Variants in SUGCT observed in about 807,000 individuals in gnomAD.
SUGCT encodes succinyl-CoA:glutarate-CoA transferase, also known as succinyl-CoA:glutarate CoA-transferase.
Under a neutral mutation model 55.0 loss-of-function variants are expected in SUGCT, and 41 were observed. That is an observed-to-expected ratio of 0.74 (90% CI 0.58 to 0.97). The LOEUF is 0.97. Among genes scored for constraint, SUGCT ranks in the 50% least tolerant of loss-of-function variants. The probability of loss-of-function intolerance (pLI) is 0.00; values close to 1 mark genes in which losing one functional copy is unlikely to be tolerated. For synonymous variants in SUGCT, 187 were observed against 200.4 expected (o/e 0.93, Z 0.56); for missense variants, 568 against 547.8 (o/e 1.04, Z -0.37).
chr7:40,977,376 T>C, the SUGCT span, among the ~76,000 whole-genome samples: 1 of 152,238 alleles, frequency 6.6e-6, no homozygotes, highest in East Asian at 1.9e-4. Flanking sequence ...GGCAATGTCA[T>C]TTTCCATTTC....
At chr7:40,478,681 A>G (rs1042984560) in intron 11 of SUGCT, among the ~76,000 whole-genome samples, 7 of 152,142 alleles carry the variant, frequency 4.6e-5, no homozygotes, top group African/African-American at 1.7e-4. Context: ...TTGTGTGTGT[A>G]GTTAACTGAA....
At chr7:40,523,256 A>T (rs1793643629) in intron 12 of SUGCT, among the ~76,000 whole-genome samples, 1 of 152,110 alleles carries the variant, frequency 6.6e-6, no homozygotes, top group African/African-American at 2.4e-5. Flanking sequence ...TTTATCTAAC[A>T]TGCAGGCATT....
intron 13 of SUGCT, among the ~76,000 whole-genome samples, chr7:40,803,888 G>T (rs1051931550): frequency 6.6e-6 from 1 of 152,144 alleles, no homozygotes; most frequent in Non-Finnish European, 1.5e-5. Context: ...CAGTGGGAAG[G>T]ACAGTGTGTT....
the SUGCT span, among the ~76,000 whole-genome samples, chr7:41,026,353 G>A: frequency 6.6e-6 from 1 of 152,130 alleles, no homozygotes; most frequent in African/African-American, 2.4e-5. Flanking sequence ...CAACTTGCTT[G>A]ACTCCTGCAG....
chr7:40,473,656 C>T (rs561402464), intron 11 of SUGCT, among the ~76,000 whole-genome samples: 19 of 152,222 alleles, frequency 1.2e-4, no homozygotes, highest in African/African-American at 4.3e-4. Flanking sequence ...AAAATGGTGG[C>T]ATGATTTAAC....
At chr7:40,803,171 G>C (rs1236011561) in intron 13 of SUGCT, among the ~76,000 whole-genome samples, 1 of 152,002 alleles carries the variant, frequency 6.6e-6, no homozygotes, top group African/African-American at 2.4e-5. Flanking sequence ...TTGCTCATGG[G>C]CAAGATAAAA....
the SUGCT span, among the ~76,000 whole-genome samples, chr7:40,984,267 A>C: frequency 6.6e-6 from 1 of 152,184 alleles, no homozygotes; most frequent in African/African-American, 2.4e-5. Context: ...CACTGCAATA[A>C]TAATAATATC....
chr7:40,371,482 ACAT>A (rs1784292396), intron 9 of SUGCT, among the ~76,000 whole-genome samples: 1 of 152,188 alleles, frequency 6.6e-6, no homozygotes, highest in South Asian at 2.1e-4. Context: ...TTAAGGCAAC[ACAT>A]GCTTTTTTGT....
rs780136828 is a variant in SUGCT, at chr7:40,182,007, G to A, written c.205G>A (p.Val69Ile). The A allele has an allele frequency of 3.7e-6, 6 of 1,600,174 alleles. No homozygotes were observed. Reference protein sequence around the residue: ...TMNLGDLGAEVIKVERPGAGD... With the variant: ...TMNLGDLGAEIIKVERPGAGD... ...GAATTTAGGAGATCTTGGAGCAGAA[G>A]TTATAAAAGTGGAGAGACCAGGTAA... is the stretch of plus-strand genomic sequence containing the variant. Residue 69 changes from valine to isoleucine, a missense_variant, in exon 3 of 14, where the codon GTT becomes ATT. Coordinates refer to ENST00000335693, the MANE Select transcript of SUGCT (RefSeq NM_001193313.2).
the SUGCT span, among the ~76,000 whole-genome samples, chr7:40,954,308 A>G: frequency 6.6e-6 from 1 of 152,136 alleles, no homozygotes; most frequent in South Asian, 2.1e-4. Context: ...GAAAAGCACC[A>G]TATTAGGGTG....
At chr7:40,965,826 A>C in the SUGCT span, 1 of 152,346 alleles carries the variant, frequency 6.6e-6, no homozygotes, top group African/African-American at 2.4e-5. Flanking sequence ...TGGAAAATGA[A>C]AGTTATTTAC....
chr7:40,570,047 G>A (rs1796358412), intron 12 of SUGCT, among the ~76,000 whole-genome samples: 1 of 152,164 alleles, frequency 6.6e-6, no homozygotes, highest in Admixed American at 6.5e-5. Flanking sequence ...AAGAAAATGA[G>A]GGTTTCAAGA....
intron 12 of SUGCT, among the ~76,000 whole-genome samples, chr7:40,524,512 A>G (rs1480247108): frequency 6.6e-6 from 1 of 152,048 alleles, no homozygotes; most frequent in African/African-American, 2.4e-5. Flanking sequence ...ATTTCCAGAA[A>G]TGTTAATTAT....
intron 13 of SUGCT, among the ~76,000 whole-genome samples, chr7:40,772,750 C>A (rs570625051): frequency 1.3e-5 from 2 of 152,176 alleles, no homozygotes; most frequent in East Asian, 3.9e-4. Context: ...CCCACCTCAG[C>A]CCCCTTAGTA....
intron 12 of SUGCT, among the ~76,000 whole-genome samples, chr7:40,537,143 A>G (rs1794407331): frequency 1.3e-5 from 2 of 152,150 alleles, no homozygotes; most frequent in South Asian, 4.1e-4. Context: ...TCTTTCTGTG[A>G]CTTTGAGAAA....
At chr7:40,280,907 A>G (rs990777538) in intron 8 of SUGCT, among the ~76,000 whole-genome samples, 4 of 152,132 alleles carry the variant, frequency 2.6e-5, no homozygotes, top group African/African-American at 9.7e-5. Context: ...TGAGGCTAGA[A>G]TGGACGAGTT....
intron 12 of SUGCT, among the ~76,000 whole-genome samples, chr7:40,565,928 C>T (rs1341072439): frequency 6.6e-6 from 1 of 150,794 alleles, no homozygotes; most frequent in Admixed American, 6.6e-5. Context: ...ACTCTCTTTC[C>T]TTGCTTAATT....
intron 11 of SUGCT, among the ~76,000 whole-genome samples, chr7:40,464,862 A>C (rs998825417): frequency 6.6e-6 from 1 of 152,222 alleles, no homozygotes; most frequent in African/African-American, 2.4e-5. Flanking sequence ...TAGGTATATT[A>C]AATGCATTGT....
intron 12 of SUGCT, among the ~76,000 whole-genome samples, chr7:40,687,299 C>T (rs2128646479): frequency 6.6e-6 from 1 of 152,292 alleles, no homozygotes; most frequent in Non-Finnish European, 1.5e-5. Flanking sequence ...CAGAAGGGGA[C>T]AGGGAGGAAG....
Sources: allele counts gnomAD v4.1 joint callset (sites outside exome capture counted in the v4.1 genomes callset), GRCh38; gene constraint gnomAD v4.1.1; transcripts MANE v1.5; gene names NCBI Gene and HGNC (gene_info 2026-07-23, HGNC 2026-07-21).